EVA1C: variants seen among roughly 807,000 people sequenced by gnomAD.
EVA1C encodes protein eva-1 homolog C.
Under a neutral mutation model 45.4 loss-of-function variants are expected in EVA1C, and 25 were observed. The ratio of observed to expected loss-of-function variants is 0.55; its 90% CI spans 0.40 to 0.77. EVA1C has a LOEUF of 0.77. Among genes scored for constraint, EVA1C ranks in the 30% least tolerant of loss-of-function variants. The probability of loss-of-function intolerance (pLI) is 0.00; values close to 1 mark genes in which losing one functional copy is unlikely to be tolerated. For synonymous variants in EVA1C, 190 were observed against 221.2 expected, an observed-to-expected ratio of 0.86 and a Z score of 1.25; for missense variants, 479 against 554.8, an observed-to-expected ratio of 0.86 and a Z score of 1.37.
At chr21:32,476,749 C>A (rs1045123022) in intron 4 of EVA1C, among the ~76,000 whole-genome samples, 8 of 152,114 alleles carry the variant, frequency 5.3e-5, no homozygotes, top group African/African-American at 1.7e-4. Flanking sequence ...CCCATAAGCA[C>A]CCCCAGGGCT....
intron 3 of EVA1C, among the ~76,000 whole-genome samples, chr21:32,462,594 C>A (rs553373221): frequency 2.6e-5 from 4 of 152,304 alleles, no homozygotes; most frequent in Non-Finnish European, 4.4e-5. Flanking sequence ...CAAAACTGGC[C>A]ATAAAGAAAA....
At chr21:32,457,482 T>C (rs1170644822) in intron 2 of EVA1C, 115 bp from the exon 3 acceptor site, 3 of 1,209,810 alleles carry the variant, frequency 2.5e-6, no homozygotes, top group East Asian at 2.3e-5. Flanking sequence ...AGACACAGCT[T>C]GGCCAGGTGG....
chr21:32,481,870 G>A (rs1323101327), intron 4 of EVA1C, among the ~76,000 whole-genome samples: 1 of 152,094 alleles, frequency 6.6e-6, no homozygotes, highest in Non-Finnish European at 1.5e-5. Flanking sequence ...CAGATTTGGG[G>A]CCTGAATATT....
rs1398618601 is a variant in EVA1C at position 32,462,114 on chromosome 21, AT to A, written c.481+4395del. ...TGCTAAAGATATGAATGACTAAAGG[AT>A]ATAGTCATGCCTGTCATTTCAGCAT... On this transcript the variant is annotated intron_variant, in intron 3 of 7. Coordinates refer to ENST00000300255, the MANE Select transcript of EVA1C (RefSeq NM_058187.5). 2.0e-5 allele frequency among the ~76,000 whole-genome samples: 3 copies of A among 151,770 alleles called. No homozygotes were observed. The East Asian group carries it at 5.8e-4, about 29-fold the overall frequency.
At position 32,435,537 on chromosome 21, in the gene EVA1C, T is replaced by C. The variant is rs181498165; in HGVS notation, c.161-17775T>C. On this transcript the variant is annotated intron_variant, in intron 1 of 7. Coordinates refer to ENST00000300255, the MANE Select transcript of EVA1C (RefSeq NM_058187.5). ...ATCCACAACAGATTCACAATGCCTGTCCTTCAGGGCTGGATTTCCTAGATT... is the reference window on the plus strand; with the variant it reads ...ATCCACAACAGATTCACAATGCCTGCCCTTCAGGGCTGGATTTCCTAGATT... 3.1e-3 allele frequency among the ~76,000 whole-genome samples: 468 copies of C among 152,310 alleles called. 3 individuals carry two copies. The highest frequency in any genetic ancestry group is 0.011 in the African/African-American group (442 of 41,564).
At chr21:32,421,159 TGAGTGGTGAG>T (rs1284566289) in intron 1 of EVA1C, among the ~76,000 whole-genome samples, 1 of 71,404 alleles carries the variant, frequency 1.4e-5, no homozygotes, top group Non-Finnish European at 2.7e-5. Flanking sequence ...AATGTATAAA[TGAGTGGTGAG>T]GAAACAAAAA....
At chr21:32,449,352 C>G (rs951961776) in intron 1 of EVA1C, among the ~76,000 whole-genome samples, 1 of 152,218 alleles carries the variant, frequency 6.6e-6, no homozygotes, top group African/African-American at 2.4e-5. Context: ...CCAAAAAGTC[C>G]TCTGTGTTCC....
chr21:32,505,621 A>G (rs1274506019), intron 7 of EVA1C, among the ~76,000 whole-genome samples: 6 of 152,172 alleles, frequency 3.9e-5, no homozygotes, highest in African/African-American at 7.2e-5. Flanking sequence ...TAAATAACAG[A>G]CATTGATTTT....
intron 1 of EVA1C, among the ~76,000 whole-genome samples, chr21:32,417,115 C>T (rs1445654958): frequency 6.6e-6 from 1 of 152,226 alleles, no homozygotes; most frequent in African/African-American, 2.4e-5. Flanking sequence ...TACAGGTGTG[C>T]ACCACCCCAC....
chr21:32,514,984 G>C lies in EVA1C; in HGVS notation c.1120G>C (p.Asp374His), dbSNP rs761429462. ...TGACAAGGTCGAGGAGGACAGCGAG[G>C]ATGAAGAAGAGGAGGAGGACCCCTC... ...GSDKVEEDSEDEEEEEDPSES... is the reference protein window; with the variant it reads ...GSDKVEEDSEHEEEEEDPSES... The change falls in exon 8 of 8, where the codon GAT becomes CAT. Residue 374 changes from aspartate to histidine, a missense_variant. Coordinates refer to ENST00000300255, the MANE Select transcript of EVA1C (RefSeq NM_058187.5). The C allele has an allele frequency of 3.1e-6, 5 of 1,614,040 alleles. No individual in the cohort carries two copies. In the African/African-American group the frequency reaches 6.7e-5, roughly 22 times the overall value.
intron 3 of EVA1C, among the ~76,000 whole-genome samples, chr21:32,458,061 G>A (rs182367280): frequency 7.7e-4 from 117 of 152,328 alleles, no homozygotes; most frequent in African/African-American, 2.7e-3. Context: ...AAAGTGAGGA[G>A]CTGGTTCTGC....
chr21:32,500,842 C>T (rs1476904830), intron 5 of EVA1C, among the ~76,000 whole-genome samples: 4 of 151,414 alleles, frequency 2.6e-5, no homozygotes, highest in Non-Finnish European at 5.9e-5. Context: ...GATGAAGTCT[C>T]ACTCTTTCAC....
chr21:32,497,800 T>C (rs2037401404), intron 5 of EVA1C, among the ~76,000 whole-genome samples: 2 of 152,210 alleles, frequency 1.3e-5, no homozygotes, highest in South Asian at 2.1e-4. Flanking sequence ...TCCCATCTTA[T>C]GCGGATGGCG....
chr21:32,463,356 A>G (rs999839134), intron 3 of EVA1C, among the ~76,000 whole-genome samples: 8 of 152,234 alleles, frequency 5.3e-5, no homozygotes, highest in East Asian at 1.9e-4. Context: ...TCTGAGACCA[A>G]TTGAGAACTC....
chr21:32,452,984 A>C lies in EVA1C; in HGVS notation c.161-328A>C. The C allele has an allele frequency of 4.2e-6, 1 of 236,074 alleles. No individual in the cohort carries two copies. The highest frequency in any genetic ancestry group is 8.2e-6 in the Non-Finnish European group (1 of 121,224). 14.6% of individuals were successfully genotyped at this position (236,074 alleles called of 1,614,324 possible). ...CCAGAGTAGTCTTGGAAAATGCAAC[A>C]TTTGGACATGAAAACAGGAGTGCCT... On this transcript the variant is annotated intron_variant, in intron 1 of 7. Transcript: ENST00000300255. The surrounding 1 kb of genome is among the most constrained non-coding windows in gnomAD (Gnocchi z 4.0).
chr21:32,500,552 C>T (rs2037494698), intron 5 of EVA1C, among the ~76,000 whole-genome samples: 1 of 152,148 alleles, frequency 6.6e-6, no homozygotes, highest in African/African-American at 2.4e-5. Context: ...GCAACCATCA[C>T]TACCCTCCAG....
At chr21:32,428,339 T>C (rs2146144325) in intron 1 of EVA1C, 1 of 152,194 alleles carries the variant, frequency 6.6e-6, no homozygotes, top group East Asian at 1.9e-4. Context: ...TTAAGTGGAG[T>C]GCCAGTACAC....
chr21:32,465,299 A>G (rs752639324), intron 3 of EVA1C, among the ~76,000 whole-genome samples: 4 of 152,214 alleles, frequency 2.6e-5, no homozygotes, highest in Non-Finnish European at 5.9e-5. Flanking sequence ...GTGGAAGAAC[A>G]TGAGCACGTG....
intron 4 of EVA1C, among the ~76,000 whole-genome samples, chr21:32,482,048 G>A (rs1245667319): frequency 6.6e-6 from 1 of 152,134 alleles, no homozygotes; most frequent in Non-Finnish European, 1.5e-5. Flanking sequence ...TCACATGCGA[G>A]GGCGCTGGCA....
Sources: gnomAD v4.1 joint callset for allele counts (sites outside exome capture counted in the v4.1 genomes callset) on GRCh38, gnomAD v4.1.1 for gene constraint, Gnocchi (gnomAD v3.1) non-coding constraint, MANE v1.5 for transcripts, NCBI Gene and HGNC (gene_info 2026-07-23, HGNC 2026-07-21) for gene names.